Variants in ADCY10 observed in about 807,000 individuals in gnomAD.
The protein encoded by ADCY10 is adenylate cyclase type 10.
A neutral mutation model predicts 183.3 loss-of-function variants in ADCY10; 156 were observed. The observed-to-expected ratio is 0.85, with a 90% confidence interval of 0.75 to 0.97. The LOEUF is 0.97. ADCY10 is among the 50% of genes least tolerant of loss of function. The probability of loss-of-function intolerance (pLI) is 0.00; values close to 1 mark genes in which losing one functional copy is unlikely to be tolerated. For missense variants in ADCY10, 1,745 were observed against 1,934.3 expected, an observed-to-expected ratio of 0.90 and a Z score of 1.84; for synonymous variants, 645 against 670.0, an observed-to-expected ratio of 0.96 and a Z score of 0.58.
Position 167,824,523 on chromosome 1 carries a change from A to T in ADCY10, c.4005T>A (p.His1335Gln). ...MWALLQNPNR[H>Q]YQSLCRLSRC... is the part of the protein sequence containing the mutation. ...TGCTAAGTCTGCAGAGGGACTGATAATGTCGGTTGGGATTCTGGAGCAGTG... is the reference window on the plus strand; with the variant it reads ...TGCTAAGTCTGCAGAGGGACTGATATTGTCGGTTGGGATTCTGGAGCAGTG... The change falls in exon 28 of 33, where the codon CAT (histidine) becomes CAA (glutamine). Residue 1335 changes from histidine (H) to glutamine (Q), a missense_variant. Physicochemically the swap from His to Gln is conservative, Grantham distance 24 (BLOSUM62 0). Transcript: ENST00000367851. 1 of 1,614,172 alleles carries T rather than the reference A, an allele frequency of 6.2e-7. No homozygotes were observed.
At chr1:167,824,289 C>G (rs1230634043) in intron 28 of ADCY10, among the ~76,000 whole-genome samples, 187 bp downstream of exon 28, 1 of 152,172 alleles carries the variant, frequency 6.6e-6, no homozygotes, top group Non-Finnish European at 1.5e-5. Flanking sequence ...CACTACTGCA[C>G]TCCAGCCTGG....
At chr1:167,884,694 ATTTT>A (rs71100911) in intron 8 of ADCY10, among the ~76,000 whole-genome samples, 3 of 108,624 alleles carry the variant, frequency 2.8e-5, no homozygotes, top group African/African-American at 3.7e-5. Flanking sequence ...AATCATTTTA[ATTTT>A]TTTTTTTTTT....
chr1:167,885,743 T>A (rs1668177325), intron 8 of ADCY10, among the ~76,000 whole-genome samples: 1 of 151,982 alleles, frequency 6.6e-6, no homozygotes, highest in Admixed American at 6.6e-5. Context: ...AGCCCCTGAG[T>A]AGCTGGGATT....
At position 167,883,545 on chromosome 1, in the gene ADCY10, T is replaced by G. The variant is rs763762835; in HGVS notation, c.912A>C (p.Gln304His). 5.6e-6 allele frequency: 9 copies of G among 1,614,146 alleles called. No individual in the cohort carries two copies. Among genetic ancestry groups the G allele is most frequent in the Non-Finnish European group, 7.6e-6 (9 of 1,180,048 alleles). The change falls in exon 9 of 33, where the codon CAA (glutamine) becomes CAC (histidine). Residue 304 changes from glutamine to histidine, a missense_variant. Physicochemically the swap from Gln to His is conservative, Grantham distance 24. Transcript: ENST00000367851. ...CTGGGCCTATCTCTTCTGCTTTGTCTTGGTCTTCAAACATCAGGTTCACAA... is the reference window on the plus strand; with the variant it reads ...CTGGGCCTATCTCTTCTGCTTTGTCGTGGTCTTCAAACATCAGGTTCACAA... ...IVFVNLMFED[Q>H]DKAEEIGPAI...
chr1:167,904,444 T>C (rs1050324216), intron 2 of ADCY10, among the ~76,000 whole-genome samples: 4 of 152,110 alleles, frequency 2.6e-5, no homozygotes, highest in Non-Finnish European at 1.5e-5. Context: ...GCTGGTCAAG[T>C]GTCAGACATG....
intron 14 of ADCY10, among the ~76,000 whole-genome samples, chr1:167,865,017 G>C (rs1376821689): frequency 2.0e-5 from 3 of 152,062 alleles, no homozygotes; most frequent in Non-Finnish European, 1.5e-5. Context: ...TAATAAGTCA[G>C]AAAGTTGAGA....
intron 6 of ADCY10, among the ~76,000 whole-genome samples, chr1:167,896,977 T>A (rs1290889976): frequency 3.3e-5 from 5 of 152,124 alleles, no homozygotes; most frequent in Non-Finnish European, 5.9e-5. Flanking sequence ...TTTTCCTGCT[T>A]TTTTTCCTTC....
intron 8 of ADCY10, among the ~76,000 whole-genome samples, chr1:167,889,003 C>T (rs1275065990): frequency 6.6e-6 from 1 of 151,398 alleles, no homozygotes; most frequent in African/African-American, 2.4e-5. Context: ...TTAGGTTTTT[C>T]CAAATATAAT....
intron 25 of ADCY10, 90 bp from the exon 26 acceptor site, chr1:167,829,513 G>C: frequency 1.3e-6 from 2 of 1,494,038 alleles, no homozygotes; most frequent in Non-Finnish European, 1.9e-6. Flanking sequence ...TCCTCACTAT[G>C]GGCCTGGGAA....
intron 16 of ADCY10, 135 bp from the exon 17 acceptor site, chr1:167,856,574 T>C: frequency 1.2e-6 from 1 of 852,182 alleles, no homozygotes; most frequent in Non-Finnish European, 1.9e-6. Context: ...GTTCAATCTT[T>C]TCTTTCCAGT....
intron 14 of ADCY10, among the ~76,000 whole-genome samples, chr1:167,868,091 T>C (rs1666832099): frequency 6.6e-6 from 1 of 152,186 alleles, no homozygotes; most frequent in Non-Finnish European, 1.5e-5. Context: ...TCGTAAACTC[T>C]CTCCGGAACC....
chr1:167,845,711 A>T lies in ADCY10; in HGVS notation c.2859T>A (p.Cys953Ter). The change falls in exon 21 of 33, where the codon TGT becomes TGA. Residue 953 changes from cysteine to a stop codon, truncating the protein, a stop_gained. Coordinates refer to ENST00000367851, the MANE Select transcript of ADCY10 (RefSeq NM_018417.6). LOFTEE classifies it high-confidence loss of function. ...KDQRKAMHLK[C>*]ARFLEEDAHR... is the part of the protein sequence containing the mutation. ...GGGCATCTTCTTCTAAAAAGCGGGCACATTTCAAGTGCATGGCTTTTCTCT... is the reference window on the plus strand; with the variant it reads ...GGGCATCTTCTTCTAAAAAGCGGGCTCATTTCAAGTGCATGGCTTTTCTCT... 6.2e-7 allele frequency: 1 copy of T among 1,614,252 alleles called. No individual in the cohort carries two copies. Among genetic ancestry groups the T allele is most frequent in the Non-Finnish European group, 8.5e-7 (1 of 1,180,040 alleles).
rs138375440 is a variant in ADCY10 at position 167,865,859 on chromosome 1, C to T, written c.1616+4398G>A. ...TCCACTAAAGTGGTCCTCCAGTCCA[C>T]CAGGCGTGGGCTGCATGGTAGCTCT... On this transcript the variant is annotated intron_variant, in intron 14 of 32. Transcript: ENST00000367851. 5.7e-3 allele frequency among the ~76,000 whole-genome samples: 863 copies of T among 152,328 alleles called. 7 individuals are homozygous for T. The highest frequency in any genetic ancestry group is 8.2e-3 in the Non-Finnish European group (556 of 68,032).
chr1:167,822,223 C>T, intron 29 of ADCY10, 82 bp from the exon 30 acceptor site: 1 of 948,644 alleles, frequency 1.1e-6, no homozygotes, highest in South Asian at 1.3e-5. Flanking sequence ...AGTTGAATTT[C>T]CCACTGCAGG....
chr1:167,855,776 C>A (rs1665844437), intron 17 of ADCY10, among the ~76,000 whole-genome samples: 1 of 152,148 alleles, frequency 6.6e-6, no homozygotes, highest in Non-Finnish European at 1.5e-5. Context: ...TTTTGGGAGG[C>A]TGAGATGGGA....
intron 21 of ADCY10, among the ~76,000 whole-genome samples, chr1:167,840,940 ATTTTTT>A (rs377437888): frequency 8.1e-6 from 1 of 124,136 alleles, no homozygotes; most frequent in Non-Finnish European, 1.6e-5. Context: ...GAATAAAATG[ATTTTTT>A]TTTTTTTTTT....
chr1:167,902,525 GTTTA>G (rs1039902692), intron 3 of ADCY10, among the ~76,000 whole-genome samples: 4 of 152,204 alleles, frequency 2.6e-5, no homozygotes, highest in African/African-American at 9.6e-5. Context: ...TTTGTATTTT[GTTTA>G]TTTAGACGGT....
intron 12 of ADCY10, among the ~76,000 whole-genome samples, chr1:167,877,021 C>A (rs1435218477): frequency 6.6e-6 from 1 of 151,984 alleles, no homozygotes; most frequent in Non-Finnish European, 1.5e-5. Context: ...AAGACAAGAT[C>A]AACCAAATCC....
intron 8 of ADCY10, among the ~76,000 whole-genome samples, chr1:167,891,661 A>AC (rs1668605799): frequency 1.3e-5 from 2 of 151,604 alleles, no homozygotes; most frequent in Admixed American, 1.3e-4. Flanking sequence ...GTCTCAAAAA[A>AC]AAAAAAAAAA....
Sources: allele counts gnomAD v4.1 joint callset (sites outside exome capture counted in the v4.1 genomes callset), GRCh38; gene constraint gnomAD v4.1.1; transcripts MANE v1.5; gene names NCBI Gene and HGNC (gene_info 2026-07-23, HGNC 2026-07-21).